The following CLIC6 variants were observed in gnomAD, a reference collection of about 807,000 sequenced individuals.
CLIC6 encodes the protein CLIC family member 6.
CLIC6 carries 39 observed loss-of-function variants against 49.2 expected under a neutral mutation model. That is an observed-to-expected ratio of 0.79 (90% CI 0.61 to 1.04). CLIC6 has a LOEUF of 1.04. Ranked by LOEUF, CLIC6 falls within the 50% of genes least tolerant of loss-of-function variation. The pLI is 0.00. For missense variants in CLIC6, 988 were observed against 993.1 expected, an observed-to-expected ratio of 0.99 and a Z score of 0.07; for synonymous variants, 446 against 433.4, an observed-to-expected ratio of 1.03 and a Z score of -0.36.
chr21:34,711,536 T>C (rs919395721), intron 5 of CLIC6, among the ~76,000 whole-genome samples: 100 of 15,832 alleles, frequency 6.3e-3, no homozygotes, highest in Middle Eastern at 0.071. Context: ...AACAAATAAA[T>C]AAATAAATAA....
At chr21:34,706,197 G>A in intron 1 of CLIC6, 1 of 513,906 alleles carries the variant, frequency 1.9e-6, no homozygotes, top group South Asian at 3.3e-5. Flanking sequence ...TCACAGTCGT[G>A]GAGGAGGGCA....
Position 34,718,048 on chromosome 21 carries a change from T to C in CLIC6, c.*1566T>C, listed in dbSNP as rs1476805551. On this transcript the variant is annotated 3_prime_UTR_variant, in exon 6 of 6. Coordinates refer to ENST00000349499, the MANE Select transcript of CLIC6 (RefSeq NM_053277.3). ...TCACCCTTGTCCACGTTGTTTCACA[T>C]CTGGTTAGGGGGCAGATTTTAAAAT... The C allele has an allele frequency of 6.6e-6, 1 of 152,648 alleles. No individual in the cohort carries two copies. Among genetic ancestry groups the C allele is most frequent in the Non-Finnish European group, 1.5e-5 (1 of 68,040 alleles). The allele number at this position is 152,648 out of a possible 1,614,324, so 9.5% of individuals were successfully genotyped here. A position where few individuals can be genotyped will look rare whatever the true frequency, so the allele number is the denominator to read the frequency against.
chr21:34,698,246 A>G (rs144935982), intron 1 of CLIC6, among the ~76,000 whole-genome samples: 1 of 152,346 alleles, frequency 6.6e-6, no homozygotes, highest in East Asian at 1.9e-4. Flanking sequence ...GAAAATTCAC[A>G]TGGGCCACGC....
chr21:34,717,241 T>A lies in CLIC6; in HGVS notation c.*759T>A, dbSNP rs935736521. The A allele has an allele frequency of 6.6e-6, 1 of 152,128 alleles. No individual in the cohort carries two copies. The highest frequency in any genetic ancestry group is 1.5e-5 in the Non-Finnish European group (1 of 68,062). 9.4% of individuals were successfully genotyped at this position (152,128 alleles called of 1,614,324 possible). ...AGCTTCCTGTCTTTGCTCCCTCCCC[T>A]CTCTTAGAGACTGTGCCTTCAGCAG... On this transcript the variant is annotated 3_prime_UTR_variant, in exon 6 of 6. Coordinates refer to ENST00000349499, the MANE Select transcript of CLIC6 (RefSeq NM_053277.3).
At chr21:34,689,997 G>T (rs1989960430) in intron 1 of CLIC6, among the ~76,000 whole-genome samples, 1 of 152,198 alleles carries the variant, frequency 6.6e-6, no homozygotes, top group Admixed American at 6.5e-5. Flanking sequence ...GGCTAGACAA[G>T]TTTCTTCTCC....
chr21:34,701,088 G>A (rs1990179718), intron 1 of CLIC6, among the ~76,000 whole-genome samples: 1 of 141,000 alleles, frequency 7.1e-6, no homozygotes, highest in Admixed American at 6.9e-5. Context: ...GGATCATGAG[G>A]TCAGGAGATC....
At chr21:34,690,414 G>A (rs138753400) in intron 1 of CLIC6, among the ~76,000 whole-genome samples, 22 of 152,122 alleles carry the variant, frequency 1.4e-4, no homozygotes, top group East Asian at 9.7e-4. Flanking sequence ...CCTCCTTTTC[G>A]AATTCCAGTT....
chr21:34,713,918 G>C (rs530931435), intron 5 of CLIC6, among the ~76,000 whole-genome samples: 2 of 152,194 alleles, frequency 1.3e-5, no homozygotes, highest in East Asian at 1.9e-4. Context: ...ATGAAATAGA[G>C]TAAAGCCAGT....
intron 1 of CLIC6, among the ~76,000 whole-genome samples, chr21:34,691,887 A>G (rs1990002052): frequency 6.6e-6 from 1 of 152,238 alleles, no homozygotes; most frequent in South Asian, 2.1e-4. Context: ...AAACTTTTCA[A>G]TGAACGTGTC....
rs770916000 is a variant in CLIC6, at chr21:34,716,375, T to C, written c.1954T>C (p.Trp652Arg). 3.1e-6 allele frequency: 5 copies of C among 1,613,782 alleles called. No individual in the cohort carries two copies. In the South Asian group the frequency reaches 5.5e-5, roughly 18 times the overall value. ...FEFPSEMTGI[W>R]RYLNNAYARD... ...ATTTCCTTCTGAAATGACTGGCATC[T>C]GGAGATACTTGAATAATGCTTATGC... is the stretch of plus-strand genomic sequence containing the variant. The change falls in exon 6 of 6, where the codon TGG becomes CGG. Residue 652 changes from tryptophan (W) to arginine (R), a missense_variant. Physicochemically the swap from Trp to Arg is moderately radical, Grantham distance 101 (BLOSUM62 -3). Transcript: ENST00000349499.
chr21:34,670,437 C>T lies in CLIC6; in HGVS notation c.1049C>T (p.Ala350Val). 1 of 1,465,802 alleles carries T rather than the reference C, an allele frequency of 6.8e-7. No homozygotes were observed. The highest frequency in any genetic ancestry group is 2.2e-4 in the Middle Eastern group (1 of 4,512). 90.8% of individuals were successfully genotyped at this position (1,465,802 alleles called of 1,614,324 possible). The change falls in exon 1 of 6, where the codon GCA becomes GTA. Residue 350 changes from alanine to valine, a missense_variant. Ala to Val is a moderately conservative substitution (Grantham distance 64). This residue lies in a region of CLIC6 where 647 missense variants were observed against 596.9 expected (regional missense o/e 1.08). Coordinates refer to ENST00000349499, the MANE Select transcript of CLIC6 (RefSeq NM_053277.3). ...TCCGAAGAAGCGGCCCCCGGGGACGCAAGGGCAGACGCTGGCGAGGACAGG... is the reference window on the plus strand; with the variant it reads ...TCCGAAGAAGCGGCCCCCGGGGACGTAAGGGCAGACGCTGGCGAGGACAGG... The part of the protein sequence containing the change: ...KGSEEAAPGD[A>V]RADAGEDRVG...
At position 34,716,831 on chromosome 21, in the gene CLIC6, T is replaced by TTCTCTCTC. The variant is rs142197835; in HGVS notation, c.*371_*378dup. ...CATGTTCCAAATCTTCAGTATCTTGTTCTCTCTCTCTCTCTCTCTCTCTCT... is the reference window on the plus strand; with the variant it reads ...CATGTTCCAAATCTTCAGTATCTTGTTCTCTCTCTCTCTCTCTCTCTCTCTCTCTCTCT... On this transcript the variant is annotated 3_prime_UTR_variant, in exon 6 of 6. Transcript: ENST00000349499. 8.3e-3 allele frequency: 1,115 copies of TTCTCTCTC among 133,816 alleles called. 16 individuals carry two copies. The highest frequency in any genetic ancestry group is 0.025 in the African/African-American group (802 of 31,856). The allele number at this position is 133,816 out of a possible 1,614,324, so 8.3% of individuals were successfully genotyped here.
Position 34,717,539 on chromosome 21 carries a change from A to T in CLIC6, c.*1057A>T, listed in dbSNP as rs1288627626. 1 of 152,114 alleles carries T rather than the reference A, an allele frequency of 6.6e-6. No homozygotes were observed. Among genetic ancestry groups the T allele is most frequent in the Non-Finnish European group, 1.5e-5 (1 of 68,032 alleles). The allele number at this position is 152,114 out of a possible 1,614,324, so 9.4% of individuals were successfully genotyped here. On this transcript the variant is annotated 3_prime_UTR_variant, in exon 6 of 6. Coordinates refer to ENST00000349499, the MANE Select transcript of CLIC6 (RefSeq NM_053277.3). ...GTTAGGGAGGGAGTAGAAACTATTG[A>T]CTCAAAAGAGTTTCTGGCTGATCTG...
chr21:34,694,160 TA>T (rs1990051021), intron 1 of CLIC6, among the ~76,000 whole-genome samples: 1 of 149,964 alleles, frequency 6.7e-6, no homozygotes, highest in African/African-American at 2.5e-5. Flanking sequence ...TTTGTATTTT[TA>T]GTAGAGGCGG....
intron 1 of CLIC6, among the ~76,000 whole-genome samples, chr21:34,704,853 C>T (rs549783476): frequency 5.9e-5 from 9 of 152,270 alleles, no homozygotes; most frequent in African/African-American, 9.6e-5. Flanking sequence ...ACCGAGCAGG[C>T]GGAGAGCCCC....
At chr21:34,702,077 G>T (rs1330585365) in intron 1 of CLIC6, among the ~76,000 whole-genome samples, 2 of 152,160 alleles carry the variant, frequency 1.3e-5, no homozygotes, top group Admixed American at 6.5e-5. Context: ...TTCTACGGGG[G>T]ACCCGGCCCC....
At chr21:34,700,843 C>T (rs1351224089) in intron 1 of CLIC6, among the ~76,000 whole-genome samples, 1 of 139,930 alleles carries the variant, frequency 7.1e-6, no homozygotes, top group Admixed American at 6.9e-5. Context: ...ACCTCCGCCA[C>T]GGGTCAAGGT....
rs1290616296 is a variant in CLIC6 at position 34,718,100 on chromosome 21, A to G, written c.*1618A>G. The G allele has an allele frequency of 1.3e-5, 2 of 152,684 alleles. No individual in the cohort carries two copies. Among genetic ancestry groups the G allele is most frequent in the Admixed American group, 6.5e-5 (1 of 15,286 alleles). 9.5% of individuals were successfully genotyped at this position (152,684 alleles called of 1,614,324 possible). On this transcript the variant is annotated 3_prime_UTR_variant, in exon 6 of 6. Transcript: ENST00000349499. ...TAGTTTTGTAATGTTACATTTAAGC[A>G]TGATAAATGATTAGACTACCAGATG... is the stretch of plus-strand genomic sequence containing the variant.
intron 1 of CLIC6, among the ~76,000 whole-genome samples, chr21:34,683,012 C>T (rs966966339): frequency 5.3e-5 from 8 of 151,754 alleles, no homozygotes; most frequent in African/African-American, 1.7e-4. Flanking sequence ...GGGGTTTCAC[C>T]GTGTTAGCCA....
Sources: gnomAD v4.1 joint callset for allele counts (sites outside exome capture counted in the v4.1 genomes callset) on GRCh38, gnomAD v4.1.1 for gene constraint, gnomAD v4.1.1 regional missense constraint, MANE v1.5 for transcripts, NCBI Gene and HGNC (gene_info 2026-07-23, HGNC 2026-07-21) for gene names.